Variants in KAZN observed in about 807,000 individuals in gnomAD.
KAZN encodes kazrin, periplakin interacting protein.
In KAZN, 40 loss-of-function variants were observed where a neutral mutation model predicts 87.4. The observed-to-expected ratio is 0.46, with a 90% CI of 0.36 to 0.60. KAZN has a LOEUF of 0.60. KAZN is among the 20% of genes least tolerant of loss of function. The probability of loss-of-function intolerance (pLI) is 0.00; values close to 1 mark genes in which losing one functional copy is unlikely to be tolerated. For synonymous variants in KAZN, 466 were observed against 458.3 expected, an observed-to-expected ratio of 1.02 and a Z score of -0.22; for missense variants, 898 against 1,073.9, an observed-to-expected ratio of 0.84 and a Z score of 2.29.
chr1:15,095,252 G>T (rs1164984354), intron 10 of KAZN, among the ~76,000 whole-genome samples: 1 of 152,170 alleles, frequency 6.6e-6, no homozygotes, highest in East Asian at 1.9e-4. Context: ...AGCCCAAGCA[G>T]CTCTGCACAC....
At chr1:14,636,507 C>T (rs1257034718) in intron 1 of KAZN, among the ~76,000 whole-genome samples, 1 of 152,186 alleles carries the variant, frequency 6.6e-6, no homozygotes, top group Non-Finnish European at 1.5e-5. Flanking sequence ...TTAATTATGA[C>T]AGTGACAGCA....
intron 2 of KAZN, among the ~76,000 whole-genome samples, chr1:14,342,977 CT>C (rs1477884502): frequency 4.6e-5 from 7 of 152,090 alleles, no homozygotes; most frequent in African/African-American, 1.2e-4. Flanking sequence ...CCCATCTCTA[CT>C]AAAAATATAA....
rs541989470 is a variant in KAZN, at chr1:14,820,564, G to A, written c.227-140120G>A. ...CAGAACAAACTGCATGGAATGTCACGTGGGGTTTTCCACTCTCGCCCACAG... is the reference window on the plus strand; with the variant it reads ...CAGAACAAACTGCATGGAATGTCACATGGGGTTTTCCACTCTCGCCCACAG... On this transcript the variant is annotated intron_variant, in intron 1 of 14. Coordinates refer to ENST00000376030, the MANE Select transcript of KAZN (RefSeq NM_201628.3). The surrounding 1 kb of genome is among the most constrained non-coding windows in gnomAD (Gnocchi z 4.1). Among the ~76,000 whole-genome samples, 12 of 152,366 alleles carry A rather than the reference G, an allele frequency of 7.9e-5. No homozygotes were observed. Among genetic ancestry groups the A allele is most frequent in the South Asian group, 6.2e-4 (3 of 4,832 alleles).
rs1307607868 is a variant in KAZN at position 14,783,008 on chromosome 1, TAGCTTCTCG to T, written c.227-177673_227-177665del. 1.6e-4 allele frequency among the ~76,000 whole-genome samples: 25 copies of T among 151,956 alleles called. No individual in the cohort carries two copies. In the East Asian group the frequency reaches 4.8e-3, roughly 29 times the overall value. On this transcript the variant is annotated intron_variant, in intron 1 of 14. Coordinates refer to ENST00000376030, the MANE Select transcript of KAZN (RefSeq NM_201628.3). The stretch of plus-strand genomic sequence containing the variant: ...ACGTAGGTCTCATTTCCCTGAAGAG[TAGCTTCTCG>T]AGAGACTCAGGAGAGATGCCCACTG...
intron 2 of KAZN, among the ~76,000 whole-genome samples, chr1:14,422,674 C>T (rs895386699): frequency 6.6e-6 from 1 of 152,190 alleles, no homozygotes; most frequent in Non-Finnish European, 1.5e-5. Context: ...AGGTAACATC[C>T]TTGCATCCAG....
chr1:14,420,785 C>T (rs1319447881), intron 2 of KAZN, among the ~76,000 whole-genome samples: 2 of 152,140 alleles, frequency 1.3e-5, no homozygotes, highest in East Asian at 1.9e-4. Flanking sequence ...CGGCACCAGC[C>T]GGCCACTCCC....
intron 1 of KAZN, among the ~76,000 whole-genome samples, chr1:14,115,680 C>T (rs934007730): frequency 2.6e-5 from 4 of 152,058 alleles, no homozygotes; most frequent in African/African-American, 7.2e-5. Context: ...AAAAAATACC[C>T]GAAAATGCGG....
At chr1:15,033,597 T>C (rs1261594397) in intron 2 of KAZN, among the ~76,000 whole-genome samples, 1 of 152,220 alleles carries the variant, frequency 6.6e-6, no homozygotes, top group Non-Finnish European at 1.5e-5. Context: ...CTGTTTTCTA[T>C]TTTTAGCTAT....
At chr1:14,416,749 A>G (rs1231577542) in intron 2 of KAZN, among the ~76,000 whole-genome samples, 2 of 151,978 alleles carry the variant, frequency 1.3e-5, no homozygotes, top group Admixed American at 6.6e-5. Flanking sequence ...AGAAAAAAAA[A>G]TAATTGCTTA....
chr1:14,310,004 GATA>G (rs1655177775), intron 2 of KAZN, among the ~76,000 whole-genome samples: 1 of 152,316 alleles, frequency 6.6e-6, no homozygotes, highest in Non-Finnish European at 1.5e-5. Flanking sequence ...AGCAGGAAGA[GATA>G]ATAATATTTT....
chr1:14,823,944 T>A (rs1315233536), intron 1 of KAZN, among the ~76,000 whole-genome samples: 5 of 151,994 alleles, frequency 3.3e-5, no homozygotes, highest in Non-Finnish European at 7.4e-5. Context: ...TGAAACCCCG[T>A]CTCTACTAAA....
At chr1:14,037,505 T>C (rs1290834906) in intron 1 of KAZN, among the ~76,000 whole-genome samples, 1 of 152,202 alleles carries the variant, frequency 6.6e-6, no homozygotes, top group Non-Finnish European at 1.5e-5. Flanking sequence ...AGTGGAGGAA[T>C]AGGGACCAAA....
At chr1:14,415,944 G>GA (rs1408700802) in intron 2 of KAZN, among the ~76,000 whole-genome samples, 1 of 152,128 alleles carries the variant, frequency 6.6e-6, no homozygotes, top group East Asian at 1.9e-4. Context: ...AAAGGGATGA[G>GA]AAAAAAGACA....
intron 2 of KAZN, among the ~76,000 whole-genome samples, chr1:14,373,270 A>G (rs1321147091): frequency 2.0e-5 from 3 of 151,808 alleles, no homozygotes; most frequent in Non-Finnish European, 2.9e-5. Context: ...GATCATGGAG[A>G]CTGAGAAATC....
chr1:15,075,996 C>G (rs150052599), intron 8 of KAZN, among the ~76,000 whole-genome samples: 9 of 152,326 alleles, frequency 5.9e-5, no homozygotes, highest in Non-Finnish European at 1.2e-4. Flanking sequence ...AGAGTCACAT[C>G]CAAATTGGAT....
intron 1 of KAZN, among the ~76,000 whole-genome samples, chr1:14,749,876 T>C (rs78195317): frequency 0.024 from 3,699 of 152,218 alleles, 170 homozygotes; most frequent in African/African-American, 0.085. Flanking sequence ...AATGCCTCCT[T>C]CTTCATGCCT....
At chr1:14,590,459 C>T (rs997270939) in intron 2 of KAZN, among the ~76,000 whole-genome samples, 1 of 152,142 alleles carries the variant, frequency 6.6e-6, no homozygotes, top group Non-Finnish European at 1.5e-5. Context: ...GAGAAAGAAA[C>T]AAAAGGTGGA....
intron 1 of KAZN, among the ~76,000 whole-genome samples, chr1:14,705,744 G>A (rs1351966184): frequency 6.6e-6 from 1 of 152,202 alleles, no homozygotes; most frequent in Non-Finnish European, 1.5e-5. Context: ...CTAAAAAAGT[G>A]AAACAGAGGA....
At chr1:14,679,284 CTT>C (rs540616636) in intron 1 of KAZN, among the ~76,000 whole-genome samples, 1 of 144,648 alleles carries the variant, frequency 6.9e-6, no homozygotes, top group Admixed American at 6.9e-5. Context: ...TTTGTTGGGT[CTT>C]TTTTTTTTTG....
Sources: gnomAD v4.1 joint callset for allele counts (sites outside exome capture counted in the v4.1 genomes callset) on GRCh38, gnomAD v4.1.1 for gene constraint, Gnocchi (gnomAD v3.1) non-coding constraint, MANE v1.5 for transcripts, NCBI Gene and HGNC (gene_info 2026-07-23, HGNC 2026-07-21) for gene names.